SPIDR: variants seen among roughly 807,000 people sequenced by gnomAD.
SPIDR encodes scaffold protein involved in DNA repair.
Under a neutral mutation model 104.6 loss-of-function variants are expected in SPIDR, and 93 were observed. The ratio of observed to expected loss-of-function variants is 0.89; its 90% CI spans 0.75 to 1.06. The LOEUF is 1.06. SPIDR is among the 50% of genes least tolerant of loss of function. The pLI is 0.00. For missense variants in SPIDR, 1,154 were observed against 1,111.2 expected (o/e 1.04, Z -0.55); for synonymous variants, 431 against 416.9 (o/e 1.03, Z -0.41).
At chr8:47,485,215 C>T (rs950559819) in intron 8 of SPIDR, among the ~76,000 whole-genome samples, 9 of 152,208 alleles carry the variant, frequency 5.9e-5, no homozygotes, top group African/African-American at 9.6e-5. Flanking sequence ...GTGCAAGGCT[C>T]GGAGGGTCCC....
At chr8:47,374,361 G>A (rs1483435467) in intron 5 of SPIDR, among the ~76,000 whole-genome samples, 1 of 151,798 alleles carries the variant, frequency 6.6e-6, no homozygotes, top group African/African-American at 2.4e-5. Context: ...GTCTCTTAGG[G>A]AAAAAGAAAT....
At chr8:47,471,393 A>G (rs2075688158) in intron 8 of SPIDR, among the ~76,000 whole-genome samples, 1 of 152,152 alleles carries the variant, frequency 6.6e-6, no homozygotes, top group East Asian at 1.9e-4. Flanking sequence ...TTATCCAAAA[A>G]AGATATACTA....
At chr8:47,713,739 C>A in intron 16 of SPIDR, 98 bp downstream of exon 16, 1 of 1,474,976 alleles carries the variant, frequency 6.8e-7, no homozygotes, top group Non-Finnish European at 9.2e-7. Flanking sequence ...TGTGGAGCAC[C>A]CGCTAAGTTC....
chr8:47,416,191 C>T (rs894192571), intron 7 of SPIDR, among the ~76,000 whole-genome samples: 12 of 152,106 alleles, frequency 7.9e-5, no homozygotes, highest in African/African-American at 1.9e-4. Context: ...TGCAGTGAGC[C>T]GAGATGGCGC....
intron 5 of SPIDR, among the ~76,000 whole-genome samples, chr8:47,392,892 T>A (rs1274075763): frequency 6.6e-6 from 1 of 152,254 alleles, no homozygotes. Context: ...ATGGATTTAT[T>A]GTATCTGTAC....
intron 10 of SPIDR, among the ~76,000 whole-genome samples, chr8:47,635,534 G>A (rs1376925754): frequency 2.0e-5 from 3 of 152,016 alleles, no homozygotes; most frequent in African/African-American, 7.2e-5. Context: ...TAAATAAACT[G>A]TGGAAGAACT....
At chr8:47,394,718 A>G (rs2154310418) in intron 5 of SPIDR, among the ~76,000 whole-genome samples, 1 of 152,302 alleles carries the variant, frequency 6.6e-6, no homozygotes, top group Middle Eastern at 3.4e-3. Flanking sequence ...AAGTTAATTA[A>G]ATATGGAGTT....
chr8:47,366,421 T>C (rs145852806), intron 5 of SPIDR, among the ~76,000 whole-genome samples: 1 of 152,064 alleles, frequency 6.6e-6, no homozygotes, highest in African/African-American at 2.4e-5. Flanking sequence ...GGGAGATATG[T>C]GTAGGATAGG....
intron 8 of SPIDR, among the ~76,000 whole-genome samples, chr8:47,575,932 C>G (rs1248838453): frequency 2.0e-5 from 3 of 150,256 alleles, no homozygotes; most frequent in Admixed American, 2.0e-4. Context: ...TGCTTTCCAG[C>G]CTGGGCGACA....
chr8:47,504,861 T>A (rs1032117959), intron 8 of SPIDR, among the ~76,000 whole-genome samples: 2 of 152,254 alleles, frequency 1.3e-5, no homozygotes, highest in Non-Finnish European at 1.5e-5. Flanking sequence ...GTCAGGACCC[T>A]CAGCTGCAGG....
chr8:47,295,212 A>G (rs980563221), intron 5 of SPIDR, among the ~76,000 whole-genome samples: 3 of 152,194 alleles, frequency 2.0e-5, no homozygotes, highest in Admixed American at 6.5e-5. Flanking sequence ...TTGAACATAC[A>G]GAGTATATTT....
chr8:47,416,728 G>A (rs543089212), intron 7 of SPIDR, among the ~76,000 whole-genome samples: 26 of 151,994 alleles, frequency 1.7e-4, no homozygotes, highest in Middle Eastern at 3.4e-3. Flanking sequence ...CCATTAACTC[G>A]TCATTTAACA....
intron 8 of SPIDR, among the ~76,000 whole-genome samples, chr8:47,447,504 G>A (rs1448760318): frequency 3.3e-5 from 5 of 152,158 alleles, no homozygotes; most frequent in South Asian, 2.1e-4. Flanking sequence ...GTGAGCCACC[G>A]CGCCTGGCCA....
At chr8:47,510,251 A>C (rs893508943) in intron 8 of SPIDR, among the ~76,000 whole-genome samples, 1 of 152,256 alleles carries the variant, frequency 6.6e-6, no homozygotes, top group Admixed American at 6.5e-5. Flanking sequence ...TGTCTGTGTC[A>C]ACTCTATGTG....
intron 8 of SPIDR, among the ~76,000 whole-genome samples, chr8:47,590,599 G>A (rs1050638869): frequency 1.3e-5 from 2 of 151,894 alleles, no homozygotes; most frequent in Admixed American, 6.6e-5. Context: ...GCATTTTGTG[G>A]GCACCTGAAA....
intron 5 of SPIDR, among the ~76,000 whole-genome samples, chr8:47,312,186 G>A (rs2044311961): frequency 6.6e-6 from 1 of 152,170 alleles, no homozygotes. Context: ...ACATAGGTGT[G>A]CGTGTGTCTT....
chr8:47,293,586 A>G (rs1043823587), intron 4 of SPIDR, among the ~76,000 whole-genome samples: 1 of 152,108 alleles, frequency 6.6e-6, no homozygotes, highest in African/African-American at 2.4e-5. Flanking sequence ...AGCTGGGACT[A>G]TAGGTGTGTG....
chr8:47,516,011 G>A (rs544236759), intron 8 of SPIDR, among the ~76,000 whole-genome samples: 110 of 152,278 alleles, frequency 7.2e-4, no homozygotes, highest in African/African-American at 2.4e-3. Context: ...GGGTTTCACC[G>A]TATTAGCCAG....
chr8:47,454,484 C>T (rs952928746), intron 8 of SPIDR, among the ~76,000 whole-genome samples: 39 of 141,768 alleles, frequency 2.8e-4, no homozygotes, highest in African/African-American at 8.7e-4. Flanking sequence ...TGGTGGGGTG[C>T]GGGGGTGGGG....
Sources: gnomAD v4.1 joint callset for allele counts (sites outside exome capture counted in the v4.1 genomes callset) on GRCh38, gnomAD v4.1.1 for gene constraint, MANE v1.5 for transcripts, NCBI Gene and HGNC (gene_info 2026-07-23, HGNC 2026-07-21) for gene names.